Variants in LRMDA observed in about 807,000 individuals in gnomAD.
The protein encoded by LRMDA is leucine rich melanocyte differentiation associated, also known as leucine-rich melanocyte differentiation-associated protein.
A neutral mutation model predicts 29.8 loss-of-function variants in LRMDA; 18 were observed. The ratio of observed to expected loss-of-function variants is 0.60; its 90% CI spans 0.42 to 0.90. The LOEUF (loss-of-function observed/expected upper bound fraction) is 0.90, where lower values mean the gene tolerates loss of function less well. Ranked by LOEUF, LRMDA falls within the 40% of genes least tolerant of loss-of-function variation. The pLI is 0.00. For missense variants in LRMDA, 273 were observed against 273.9 expected (o/e 1.00, Z 0.02); for synonymous variants, 125 against 109.4 (o/e 1.14, Z -0.89).
At chr10:75,616,304 G>C (rs891430) in intron 2 of LRMDA, among the ~76,000 whole-genome samples, 77,293 of 149,434 alleles carry the variant, frequency 0.52, 22,212 homozygotes, top group Non-Finnish European at 0.63. Context: ...TAGTGGTGGT[G>C]GTGGTGTTTA....
At chr10:76,379,099 C>T in intron 6 of LRMDA, among the ~76,000 whole-genome samples, 1 of 151,738 alleles carries the variant, frequency 6.6e-6, no homozygotes, top group East Asian at 1.9e-4. Flanking sequence ...TCAGGTGATC[C>T]ACCCACCTCG....
At chr10:76,269,234 C>A (rs1162330722) in intron 5 of LRMDA, among the ~76,000 whole-genome samples, 1 of 152,008 alleles carries the variant, frequency 6.6e-6, no homozygotes. Context: ...GTAATCGAAC[C>A]CCCCATCTCC....
chr10:75,978,292 G>C (rs1260102463), intron 2 of LRMDA, among the ~76,000 whole-genome samples: 1 of 152,200 alleles, frequency 6.6e-6, no homozygotes, highest in Non-Finnish European at 1.5e-5. Context: ...AGGAACCCTG[G>C]TTCCCTCTCT....
intron 2 of LRMDA, among the ~76,000 whole-genome samples, chr10:75,915,598 G>A (rs1430514818): frequency 6.6e-6 from 1 of 152,170 alleles, no homozygotes; most frequent in African/African-American, 2.4e-5. Context: ...GAGGTTAAGT[G>A]ACTTATCCAG....
chr10:75,671,529 C>T (rs2132143553), intron 2 of LRMDA, among the ~76,000 whole-genome samples: 1 of 152,254 alleles, frequency 6.6e-6, no homozygotes, highest in East Asian at 1.9e-4. Context: ...AGCAAACTAA[C>T]ACAGGAACAG....
intron 2 of LRMDA, among the ~76,000 whole-genome samples, chr10:75,930,143 T>C (rs184290765): frequency 1.3e-5 from 2 of 152,352 alleles, no homozygotes; most frequent in Non-Finnish European, 2.9e-5. Context: ...TAATGGTTCA[T>C]GAAGCCTAAG....
chr10:75,935,059 C>T (rs1297247431), intron 2 of LRMDA, among the ~76,000 whole-genome samples: 1 of 152,086 alleles, frequency 6.6e-6, no homozygotes, highest in African/African-American at 2.4e-5. Context: ...CTCAGTTTCT[C>T]ATCCCAAAGG....
chr10:76,339,511 A>G (rs2132417778), intron 6 of LRMDA, among the ~76,000 whole-genome samples: 1 of 152,118 alleles, frequency 6.6e-6, no homozygotes, highest in South Asian at 2.1e-4. Context: ...TATATGAACT[A>G]TGTTTTCATA....
intron 2 of LRMDA, among the ~76,000 whole-genome samples, chr10:75,790,875 G>A (rs957523929): frequency 2.0e-5 from 3 of 152,234 alleles, no homozygotes. Context: ...AATATCCTCT[G>A]TGGGGAAGGT....
intron 6 of LRMDA, among the ~76,000 whole-genome samples, chr10:76,469,291 C>T (rs1226421829): frequency 2.0e-5 from 3 of 152,100 alleles, no homozygotes; most frequent in African/African-American, 7.2e-5. Context: ...TTTCTTATTC[C>T]CTCCGACTCT....
intron 2 of LRMDA, among the ~76,000 whole-genome samples, chr10:75,785,650 G>T (rs1460261328): frequency 6.6e-6 from 1 of 152,146 alleles, no homozygotes; most frequent in Admixed American, 6.5e-5. Context: ...GTCCACATTG[G>T]GTGTGATATT....
At chr10:75,485,635 T>C (rs974293730) in intron 2 of LRMDA, among the ~76,000 whole-genome samples, 5 of 151,968 alleles carry the variant, frequency 3.3e-5, no homozygotes, top group African/African-American at 1.2e-4. Flanking sequence ...CAGGCTGGAG[T>C]GCAGCGATCT....
chr10:76,162,007 C>A (rs548007518), intron 5 of LRMDA, among the ~76,000 whole-genome samples: 3 of 152,324 alleles, frequency 2.0e-5, no homozygotes, highest in East Asian at 3.9e-4. Flanking sequence ...GTAACTTTGA[C>A]TTTACTTCTG....
intron 2 of LRMDA, among the ~76,000 whole-genome samples, chr10:75,774,788 C>T (rs536498157): frequency 4.6e-4 from 70 of 152,180 alleles, no homozygotes; most frequent in Admixed American, 9.8e-4. Flanking sequence ...TAAATAACAA[C>T]GTACCCACGG....
intron 2 of LRMDA, among the ~76,000 whole-genome samples, chr10:75,467,871 G>C (rs1168616461): frequency 6.6e-6 from 1 of 151,904 alleles, no homozygotes; most frequent in Non-Finnish European, 1.5e-5. Flanking sequence ...TGAGGTAGGA[G>C]AATCGCATGA....
At chr10:75,759,418 G>T (rs895102298) in intron 2 of LRMDA, among the ~76,000 whole-genome samples, 4 of 152,112 alleles carry the variant, frequency 2.6e-5, no homozygotes, top group African/African-American at 9.7e-5. Context: ...GTTTCTCTCT[G>T]CTCTCTCTAA....
At chr10:75,824,881 A>G (rs1298757325) in intron 2 of LRMDA, among the ~76,000 whole-genome samples, 1 of 152,238 alleles carries the variant, frequency 6.6e-6, no homozygotes, top group Non-Finnish European at 1.5e-5. Context: ...AAAGGTAGGG[A>G]CAAACATATG....
intron 2 of LRMDA, among the ~76,000 whole-genome samples, chr10:75,521,174 G>A (rs1187531777): frequency 6.6e-6 from 1 of 152,236 alleles, no homozygotes; most frequent in Non-Finnish European, 1.5e-5. Flanking sequence ...GCTCCCACTT[G>A]AGGGGAGGCA....
chr10:75,683,113 A>G (rs527671953), intron 2 of LRMDA, among the ~76,000 whole-genome samples: 3 of 152,310 alleles, frequency 2.0e-5, no homozygotes, highest in African/African-American at 7.2e-5. Context: ...GGCCCAAACA[A>G]ATTATATAGC....
Sources: allele counts gnomAD v4.1 joint callset (sites outside exome capture counted in the v4.1 genomes callset), GRCh38; gene constraint gnomAD v4.1.1; transcripts MANE v1.5; gene names NCBI Gene and HGNC (gene_info 2026-07-23, HGNC 2026-07-21).